EFL1: variants seen among roughly 807,000 people sequenced by gnomAD.
EFL1 encodes the protein elongation factor-like GTPase 1.
In EFL1, 76 loss-of-function variants were observed where a neutral mutation model predicts 126.7. The ratio of observed to expected loss-of-function variants is 0.60; its 90% CI spans 0.50 to 0.73. The LOEUF (loss-of-function observed/expected upper bound fraction) is 0.73. Ranked by LOEUF, EFL1 falls within the 30% of genes least tolerant of loss-of-function variation. The probability of loss-of-function intolerance (pLI) is 0.00; values close to 1 mark genes in which losing one functional copy is unlikely to be tolerated. For missense variants in EFL1, 1,128 were observed against 1,343.2 expected, an observed-to-expected ratio of 0.84 and a Z score of 2.50; for synonymous variants, 410 against 448.4, an observed-to-expected ratio of 0.91 and a Z score of 1.08.
intron 15 of EFL1, among the ~76,000 whole-genome samples, chr15:82,211,582 T>G (rs762944952): frequency 5.9e-5 from 3 of 50,538 alleles, no homozygotes; most frequent in African/African-American, 1.7e-4. Flanking sequence ...ACACACACAC[T>G]AGACACATAC....
chr15:82,183,118 A>C (rs2074269420), intron 15 of EFL1, among the ~76,000 whole-genome samples: 1 of 152,230 alleles, frequency 6.6e-6, no homozygotes, highest in Non-Finnish European at 1.5e-5. Flanking sequence ...TGGCAAAACC[A>C]GGGATTTGTC....
intron 15 of EFL1, among the ~76,000 whole-genome samples, chr15:82,203,326 C>CAT: frequency 6.6e-6 from 1 of 152,276 alleles, no homozygotes; most frequent in Admixed American, 6.5e-5. Context: ...TTTTTTATTG[C>CAT]ATATATATCT....
At chr15:82,152,536 A>G (rs2073924589) in intron 17 of EFL1, 113 bp from the exon 18 acceptor site, 1 of 940,698 alleles carries the variant, frequency 1.1e-6, no homozygotes, top group African/African-American at 1.7e-5. Flanking sequence ...GAACATAAAA[A>G]TTATCTTACT....
At chr15:82,140,040 C>A (rs894267902) in intron 18 of EFL1, among the ~76,000 whole-genome samples, 2 of 152,162 alleles carry the variant, frequency 1.3e-5, no homozygotes, top group Non-Finnish European at 2.9e-5. Context: ...TGTGTCACAA[C>A]GCCTCAAGGA....
intron 17 of EFL1, 46 bp downstream of exon 17, chr15:82,157,667 T>A: frequency 6.4e-7 from 1 of 1,571,104 alleles, no homozygotes. Context: ...AAACATCCCA[T>A]TGATTGAGAG....
At chr15:82,220,687 A>G (rs181045363) in intron 12 of EFL1, among the ~76,000 whole-genome samples, 4 of 151,994 alleles carry the variant, frequency 2.6e-5, no homozygotes, top group East Asian at 3.9e-4. Flanking sequence ...TCAAACTGAA[A>G]TATCAGCCAC....
chr15:82,249,783 T>C (rs1596009424), intron 4 of EFL1, among the ~76,000 whole-genome samples: 2 of 152,114 alleles, frequency 1.3e-5, no homozygotes, highest in Admixed American at 1.3e-4. Context: ...AGAGGTTCCA[T>C]TTTCTCAAAG....
intron 15 of EFL1, among the ~76,000 whole-genome samples, chr15:82,208,760 C>T (rs2074552546): frequency 6.6e-6 from 1 of 151,402 alleles, no homozygotes; most frequent in Non-Finnish European, 1.5e-5. Context: ...AAGAATGCAT[C>T]AATAAAATTC....
At chr15:82,208,147 A>G (rs2074545635) in intron 15 of EFL1, among the ~76,000 whole-genome samples, 1 of 152,376 alleles carries the variant, frequency 6.6e-6, no homozygotes, top group South Asian at 2.1e-4. Flanking sequence ...ATTTCATAAT[A>G]AAGAAATCGA....
intron 15 of EFL1, among the ~76,000 whole-genome samples, chr15:82,176,077 G>A (rs2074192267): frequency 6.6e-6 from 1 of 152,170 alleles, no homozygotes; most frequent in African/African-American, 2.4e-5. Context: ...ATTTGGCAAT[G>A]GTGACACTGC....
At chr15:82,216,133 T>C (rs2074643739) in intron 14 of EFL1, among the ~76,000 whole-genome samples, 1 of 152,178 alleles carries the variant, frequency 6.6e-6, no homozygotes, top group Non-Finnish European at 1.5e-5. Context: ...AATATGTGTA[T>C]TTAAAATGAT....
intron 17 of EFL1, among the ~76,000 whole-genome samples, chr15:82,155,117 T>C (rs11855145): frequency 0.36 from 55,134 of 152,042 alleles, 11,288 homozygotes; most frequent in African/African-American, 0.55. Flanking sequence ...GATCATTCTA[T>C]AGAATTCCAT....
intron 1 of EFL1, chr15:82,262,008 G>A: frequency 2.3e-6 from 1 of 436,844 alleles, no homozygotes; most frequent in African/African-American, 2.0e-5. Context: ...TAAGGAGTTT[G>A]CTCATCCTTC....
chr15:82,197,418 T>C (rs2074419499), intron 15 of EFL1, among the ~76,000 whole-genome samples: 4 of 152,304 alleles, frequency 2.6e-5, no homozygotes, highest in Admixed American at 2.0e-4. Flanking sequence ...ACTCAAATCC[T>C]TAGAAATATG....
At chr15:82,145,908 T>A (rs1362722852) in intron 18 of EFL1, among the ~76,000 whole-genome samples, 2 of 150,438 alleles carry the variant, frequency 1.3e-5, no homozygotes, top group Admixed American at 6.6e-5. Context: ...GAAATATTTT[T>A]AAAATGTGGT....
chr15:82,258,925 T>C (rs935010231), intron 3 of EFL1, among the ~76,000 whole-genome samples, 163 bp downstream of exon 3: 11 of 152,248 alleles, frequency 7.2e-5, no homozygotes, highest in African/African-American at 2.7e-4. Context: ...AGTAACTATT[T>C]TTCTCCTCAG....
At chr15:82,145,357 C>T (rs2141220827) in intron 18 of EFL1, among the ~76,000 whole-genome samples, 1 of 149,816 alleles carries the variant, frequency 6.7e-6, no homozygotes, top group Admixed American at 6.6e-5. Flanking sequence ...GTTTCTGATA[C>T]GTTAAAGTAC....
At chr15:82,131,396 A>G (rs1271407099) in intron 19 of EFL1, among the ~76,000 whole-genome samples, 2 of 152,118 alleles carry the variant, frequency 1.3e-5, no homozygotes, top group African/African-American at 4.8e-5. Flanking sequence ...GGCTCAAGTG[A>G]TCCTCCTCCC....
Position 82,228,235 on chromosome 15 carries a change from T to C in EFL1, c.1025A>G (p.Asn342Ser), listed in dbSNP as rs144906060. ...GGGTAGCCACTGACTGCAAATGGCG[T>C]TGATCTGAACTTTAGGGTCTGAATG... ...ARHSDPKVQI[N>S]AICSQWLPIS... is the part of the protein sequence containing the mutation. Residue 342 changes from asparagine to serine, a missense_variant, in exon 10 of 20, where the codon AAC becomes AGC. Transcript: ENST00000268206. The C allele has an allele frequency of 2.8e-4, 460 of 1,614,034 alleles. 2 individuals are homozygous for C. The African/African-American group carries it at 5.4e-3, about 19-fold the overall frequency.
Sources: gnomAD v4.1 joint callset for allele counts (sites outside exome capture counted in the v4.1 genomes callset) on GRCh38, gnomAD v4.1.1 for gene constraint, MANE v1.5 for transcripts, NCBI Gene and HGNC (gene_info 2026-07-23, HGNC 2026-07-21) for gene names.